The following TBC1D9 variants were observed in gnomAD, a reference collection of about 807,000 sequenced individuals.
The protein encoded by TBC1D9 is TBC1 domain family member 9.
A neutral mutation model predicts 132.0 loss-of-function variants in TBC1D9; 63 were observed. The observed-to-expected ratio is 0.48, with a 90% CI of 0.39 to 0.59. TBC1D9 has a LOEUF of 0.59. Ranked by LOEUF, TBC1D9 falls within the 20% of genes least tolerant of loss-of-function variation. TBC1D9 has a pLI of 0.00. For synonymous variants in TBC1D9, 610 were observed against 609.9 expected, an observed-to-expected ratio of 1.00 and a Z score of 0.00; for missense variants, 1,261 against 1,592.7, an observed-to-expected ratio of 0.79 and a Z score of 3.54.
At chr4:140,696,059 G>A (rs899801153) in intron 2 of TBC1D9, among the ~76,000 whole-genome samples, 1 of 152,176 alleles carries the variant, frequency 6.6e-6, no homozygotes, top group South Asian at 2.1e-4. Context: ...AATGGTCGTT[G>A]TTTAGGAAAG....
At chr4:140,741,256 A>G (rs182016722) in intron 1 of TBC1D9, among the ~76,000 whole-genome samples, 148 of 152,326 alleles carry the variant, frequency 9.7e-4, no homozygotes, top group Non-Finnish European at 1.6e-3. Flanking sequence ...AAGAAATTGA[A>G]GTATTTTACC....
chr4:140,749,116 A>G lies in TBC1D9; in HGVS notation c.130+6800T>C, dbSNP rs111731020. Among the ~76,000 whole-genome samples, 389 of 152,298 alleles carry G rather than the reference A, an allele frequency of 2.6e-3. 4 individuals carry two copies. Among genetic ancestry groups the G allele is most frequent in the African/African-American group, 8.2e-3 (340 of 41,568 alleles). On this transcript the variant is annotated intron_variant, in intron 1 of 20. Coordinates refer to ENST00000442267, the MANE Select transcript of TBC1D9 (RefSeq NM_015130.3). Reference sequence around the variant, plus strand: ...TGCAGTGACTGACACCTCTAATATCAGCAATTTGGGAGGCTGAGGTGGGAG... The same window carrying G: ...TGCAGTGACTGACACCTCTAATATCGGCAATTTGGGAGGCTGAGGTGGGAG...
At chr4:140,641,568 G>A (rs1736995521) in intron 13 of TBC1D9, among the ~76,000 whole-genome samples, 2 of 151,574 alleles carry the variant, frequency 1.3e-5, no homozygotes, top group Admixed American at 1.3e-4. Flanking sequence ...CGTGCCCAAA[G>A]AGAGCCTGAC....
At position 140,672,787 on chromosome 4, in the gene TBC1D9, T is replaced by C. The variant is rs559272630; in HGVS notation, c.1060-1861A>G. ...TACAATATAATGAGACATATTTTCA[T>C]GACCAATTTGAGTTATAAAAGAGAC... is the stretch of plus-strand genomic sequence containing the variant. On this transcript the variant is annotated intron_variant, in intron 6 of 20. Transcript: ENST00000442267. Among the ~76,000 whole-genome samples, 11 of 152,348 alleles carry C rather than the reference T, an allele frequency of 7.2e-5. No individual in the cohort carries two copies. The South Asian group carries it at 2.3e-3, about 32-fold the overall frequency.
chr4:140,673,818 C>T (rs1032162921), intron 6 of TBC1D9, among the ~76,000 whole-genome samples: 4 of 152,198 alleles, frequency 2.6e-5, no homozygotes, highest in Non-Finnish European at 5.9e-5. Context: ...GAATATTAAT[C>T]ACCATTCTCT....
chr4:140,658,486 C>T (rs778365288), intron 11 of TBC1D9, among the ~76,000 whole-genome samples: 3 of 152,110 alleles, frequency 2.0e-5, no homozygotes, highest in East Asian at 1.9e-4. Flanking sequence ...CAACACATGA[C>T]TACAGTTCCA....
At chr4:140,697,730 T>A (rs563460646) in intron 2 of TBC1D9, among the ~76,000 whole-genome samples, 1 of 152,196 alleles carries the variant, frequency 6.6e-6, no homozygotes, top group Non-Finnish European at 1.5e-5. Flanking sequence ...AGCAATACCA[T>A]GGCAAAGCCC....
At chr4:140,714,661 G>GA (rs1738302589) in intron 1 of TBC1D9, among the ~76,000 whole-genome samples, 1 of 152,138 alleles carries the variant, frequency 6.6e-6, no homozygotes, top group Non-Finnish European at 1.5e-5. Flanking sequence ...CCTGAAAAGG[G>GA]AAGACTTTCT....
chr4:140,738,181 A>G (rs1738705250), intron 1 of TBC1D9, among the ~76,000 whole-genome samples: 1 of 152,182 alleles, frequency 6.6e-6, no homozygotes, highest in Non-Finnish European at 1.5e-5. Flanking sequence ...AAACTATGAA[A>G]GGAAAATCTT....
intron 6 of TBC1D9, among the ~76,000 whole-genome samples, chr4:140,675,837 AG>A (rs1330216514): frequency 1.3e-5 from 2 of 152,160 alleles, no homozygotes. Context: ...CCTTTAGACC[AG>A]GGTGCCCTCA....
intron 5 of TBC1D9, among the ~76,000 whole-genome samples, chr4:140,678,071 G>A (rs1040894088): frequency 1.3e-5 from 2 of 150,926 alleles, no homozygotes; most frequent in Admixed American, 6.6e-5. Flanking sequence ...TGAAAATGAA[G>A]TCTGTATTTG....
chr4:140,637,277 G>A (rs1249083725), intron 15 of TBC1D9, among the ~76,000 whole-genome samples: 3 of 152,196 alleles, frequency 2.0e-5, no homozygotes, highest in Non-Finnish European at 4.4e-5. Context: ...TTGAACCTGG[G>A]AGGCAGAGGC....
intron 1 of TBC1D9, among the ~76,000 whole-genome samples, chr4:140,755,683 C>T (rs550005954): frequency 1.5e-3 from 233 of 152,308 alleles, no homozygotes; most frequent in African/African-American, 4.4e-3. Context: ...CTCAACATAT[C>T]CACTTAAAGA....
At chr4:140,738,975 G>C (rs979920741) in intron 1 of TBC1D9, among the ~76,000 whole-genome samples, 3 of 152,090 alleles carry the variant, frequency 2.0e-5, no homozygotes, top group African/African-American at 7.2e-5. Context: ...CACTCTACTA[G>C]CTCCCTCATT....
chr4:140,659,246 T>C (rs1258135992), intron 11 of TBC1D9, among the ~76,000 whole-genome samples: 3 of 152,244 alleles, frequency 2.0e-5, no homozygotes, highest in Non-Finnish European at 2.9e-5. Flanking sequence ...CTGTATTTCG[T>C]AGGTTCCCAT....
At chr4:140,688,519 T>C (rs1737824305) in intron 2 of TBC1D9, among the ~76,000 whole-genome samples, 1 of 151,928 alleles carries the variant, frequency 6.6e-6, no homozygotes, top group Non-Finnish European at 1.5e-5. Context: ...AATTAAAAAA[T>C]TAGCTGGGAG....
chr4:140,755,941 A>G lies in TBC1D9; in HGVS notation c.105T>C (p.Asp35=), dbSNP rs1205854769. The change falls in exon 1 of 21, where the codon GAT becomes GAC. Residue 35 remains aspartate, a synonymous_variant. Transcript: ENST00000442267. ...CCGCCAGTCCGCCGCCGCCGCCTCC[A>G]TCGCCGGCGTGGCCCTTCCTCCGCT... The part of the protein sequence containing the change: ...ILQRRKGHAG[D]GGGGGGLAGL... 6.3e-7 allele frequency: 1 copy of G among 1,586,412 alleles called. No homozygotes were observed. The highest frequency in any genetic ancestry group is 8.6e-7 in the Non-Finnish European group (1 of 1,168,394).
chr4:140,674,495 C>T (rs1438345849), intron 6 of TBC1D9, among the ~76,000 whole-genome samples: 2 of 151,960 alleles, frequency 1.3e-5, no homozygotes, highest in South Asian at 2.1e-4. Flanking sequence ...TATGTATATA[C>T]TTTACGGAAT....
At chr4:140,628,472 T>C (rs567927641) in intron 16 of TBC1D9, 107 bp from the exon 17 acceptor site, 3 of 1,056,616 alleles carry the variant, frequency 2.8e-6, no homozygotes, top group East Asian at 2.5e-5. Flanking sequence ...AACCAAGACA[T>C]TGTGTGGTGA....
Sources: gnomAD v4.1 joint callset for allele counts (sites outside exome capture counted in the v4.1 genomes callset) on GRCh38, gnomAD v4.1.1 for gene constraint, MANE v1.5 for transcripts, NCBI Gene and HGNC (gene_info 2026-07-23, HGNC 2026-07-21) for gene names.